SUCLG1: variants seen among roughly 807,000 people sequenced by gnomAD.
The protein encoded by SUCLG1 is succinate--CoA ligase [ADP/GDP-forming] subunit alpha, mitochondrial.
In SUCLG1, 26 loss-of-function variants were observed where a neutral mutation model predicts 37.3. The observed-to-expected ratio is 0.70, with a 90% CI of 0.51 to 0.97. SUCLG1 has a LOEUF of 0.97. SUCLG1 is among the 50% of genes least tolerant of loss of function. The pLI, the probability that SUCLG1 is intolerant of heterozygous loss-of-function variation, is 0.00. For missense variants in SUCLG1, 433 were observed against 432.9 expected (o/e 1.00, Z 0.00); for synonymous variants, 163 against 155.6 (o/e 1.05, Z -0.36).
intron 5 of SUCLG1, among the ~76,000 whole-genome samples, chr2:84,435,285 C>T (rs957894117): frequency 6.6e-6 from 1 of 152,324 alleles, no homozygotes; most frequent in African/African-American, 2.4e-5. Flanking sequence ...TTCCTGATCA[C>T]CCCCAAAGAG....
At chr2:84,445,218 TG>T (rs1256193523) in intron 2 of SUCLG1, among the ~76,000 whole-genome samples, 1 of 152,240 alleles carries the variant, frequency 6.6e-6, no homozygotes, top group African/African-American at 2.4e-5. Context: ...AGTATTAATT[TG>T]GGGAACTAAT....
At chr2:84,431,105 C>A (rs1279165889) in intron 7 of SUCLG1, among the ~76,000 whole-genome samples, 2 of 152,122 alleles carry the variant, frequency 1.3e-5, no homozygotes, top group Non-Finnish European at 2.9e-5. Flanking sequence ...AAAAAAAGCA[C>A]AAGGGATAGG....
chr2:84,456,118 C>G (rs1314134912), intron 1 of SUCLG1, among the ~76,000 whole-genome samples: 1 of 152,110 alleles, frequency 6.6e-6, no homozygotes, highest in Non-Finnish European at 1.5e-5. Context: ...TTCCAAACTA[C>G]ACTTTAAATG....
chr2:84,446,782 T>A (rs1246030194), intron 2 of SUCLG1, among the ~76,000 whole-genome samples: 2 of 152,184 alleles, frequency 1.3e-5, no homozygotes, highest in Non-Finnish European at 2.9e-5. Context: ...AGTAAAAATG[T>A]TTGTATGACA....
Position 84,441,046 on chromosome 2 carries a change from C to T in SUCLG1, c.589+1G>A, listed in dbSNP as rs201416100. 6.2e-7 allele frequency: 1 copy of T among 1,613,946 alleles called. No homozygotes were observed. Among genetic ancestry groups the T allele is most frequent in the South Asian group, 1.1e-5 (1 of 91,076 alleles). On this transcript the variant is annotated splice_donor_variant, in intron 5 of 8. Transcript: ENST00000393868. LOFTEE classifies it high-confidence loss of function. ...TATAAGAATGTAACAAACAAACTCACCAATCCTTCCTTTTTTGTGAATATG... is the reference window on the plus strand; with the variant it reads ...TATAAGAATGTAACAAACAAACTCATCAATCCTTCCTTTTTTGTGAATATG...
intron 1 of SUCLG1, among the ~76,000 whole-genome samples, chr2:84,453,391 T>C (rs368944545): frequency 6.6e-6 from 1 of 151,436 alleles, no homozygotes. Flanking sequence ...GATGCCTAGC[T>C]TTACTAATAA....
At chr2:84,448,745 G>A (rs1294461627) in intron 2 of SUCLG1, among the ~76,000 whole-genome samples, 1 of 151,636 alleles carries the variant, frequency 6.6e-6, no homozygotes, top group African/African-American at 2.4e-5. Context: ...TAAATACACA[G>A]ACCATATAAC....
intron 8 of SUCLG1, among the ~76,000 whole-genome samples, chr2:84,424,095 A>G (rs1238936153): frequency 1.3e-5 from 2 of 152,198 alleles, no homozygotes; most frequent in Non-Finnish European, 2.9e-5. Flanking sequence ...GGGAGCTGAG[A>G]AACTTCATTA....
In SUCLG1 at chr2:84,445,840, C is replaced by G. The variant is rs75257831; in HGVS notation, c.202-2440G>C. Among the ~76,000 whole-genome samples, 3 of 152,302 alleles carry G rather than the reference C, an allele frequency of 2.0e-5. 1 individual carries two copies. The East Asian group carries it at 5.8e-4, about 29-fold the overall frequency. On this transcript the variant is annotated intron_variant, in intron 2 of 8. Coordinates refer to ENST00000393868, the MANE Select transcript of SUCLG1 (RefSeq NM_003849.4). ...TCTGGTCAAAACATAATGAAGATCA[C>G]GGCACTCCTCTAATCAAACACTCTG... is the stretch of plus-strand genomic sequence containing the variant.
At chr2:84,433,209 A>G in intron 6 of SUCLG1, 143 bp downstream of exon 6, 1 of 784,164 alleles carries the variant, frequency 1.3e-6, no homozygotes, top group Non-Finnish European at 2.2e-6. Flanking sequence ...CTTTACACTT[A>G]AGCAAATTAA....
intron 1 of SUCLG1, among the ~76,000 whole-genome samples, chr2:84,457,574 T>C (rs941735431): frequency 6.6e-6 from 1 of 152,154 alleles, no homozygotes; most frequent in Admixed American, 6.5e-5. Flanking sequence ...TAGATTTTTC[T>C]AGACAGCAGA....
In SUCLG1 at chr2:84,441,038, C is replaced by A; in HGVS notation, c.589+9G>T. On this transcript the variant is annotated intron_variant, in intron 5 of 8. Coordinates refer to ENST00000393868, the MANE Select transcript of SUCLG1 (RefSeq NM_003849.4). ...TTTTAATCTATAAGAATGTAACAAA[C>A]AAACTCACCAATCCTTCCTTTTTTG... 2 of 1,613,764 alleles carry A rather than the reference C, an allele frequency of 1.2e-6. No individual in the cohort carries two copies. Among genetic ancestry groups the A allele is most frequent in the Non-Finnish European group, 1.7e-6 (2 of 1,179,836 alleles).
chr2:84,441,013 T>G (rs779252485), intron 5 of SUCLG1, 34 bp downstream of exon 5: 3 of 1,608,082 alleles, frequency 1.9e-6, no homozygotes, highest in Non-Finnish European at 2.6e-6. Flanking sequence ...GCAAATAACG[T>G]TTTAATCTAT....
rs907364236 is a variant in SUCLG1, at chr2:84,443,539, T to C, written c.202-139A>G. On this transcript the variant is annotated intron_variant, in intron 2 of 8. Coordinates refer to ENST00000393868, the MANE Select transcript of SUCLG1 (RefSeq NM_003849.4). ...GACAATAACATATATTTACTAAACA[T>C]AGCTTTGAATCTTGAAGCAAAACAA... 7.6e-6 allele frequency: 6 copies of C among 792,698 alleles called. No homozygotes were observed. In the East Asian group the frequency reaches 8.1e-5, roughly 11 times the overall value. 49.1% of individuals were successfully genotyped at this position (792,698 alleles called of 1,614,324 possible).
At chr2:84,451,597 C>T (rs113007834) in intron 1 of SUCLG1, among the ~76,000 whole-genome samples, 48 of 152,292 alleles carry the variant, frequency 3.2e-4, no homozygotes, top group African/African-American at 1.2e-3. Flanking sequence ...TCTCCTGGAT[C>T]AATTCTATGG....
rs3752782 is a variant in SUCLG1 at position 84,425,740 on chromosome 2, C to T, written c.826-137G>A. 0.026 allele frequency: 24,718 copies of T among 934,354 alleles called. 953 individuals carry two copies. Among genetic ancestry groups the T allele is most frequent in the African/African-American group, 0.14 (8,609 of 60,814 alleles). 57.9% of individuals were successfully genotyped at this position (934,354 alleles called of 1,614,324 possible). A position where few individuals can be genotyped will look rare whatever the true frequency, so the allele number is the denominator to read the frequency against. On this transcript the variant is annotated intron_variant, in intron 7 of 8. Coordinates refer to ENST00000393868, the MANE Select transcript of SUCLG1 (RefSeq NM_003849.4). Reference sequence around the variant, plus strand: ...ACCATTCATCTTAGGAAAACCAACACAAATATTAAACCATGATTGAAACCA... The same window carrying T: ...ACCATTCATCTTAGGAAAACCAACATAAATATTAAACCATGATTGAAACCA...
At chr2:84,448,188 A>C (rs1479941324) in intron 2 of SUCLG1, among the ~76,000 whole-genome samples, 1 of 143,906 alleles carries the variant, frequency 6.9e-6, no homozygotes, top group African/African-American at 2.7e-5. Flanking sequence ...AAAAAACAAA[A>C]AACAAAAAAC....
intron 5 of SUCLG1, among the ~76,000 whole-genome samples, chr2:84,438,669 CA>C (rs1324424432): frequency 1.3e-5 from 2 of 152,170 alleles, no homozygotes. Flanking sequence ...CTCACCCCCT[CA>C]AAAATCTTGT....
rs1008804554 is a variant in SUCLG1, at chr2:84,443,131, C to A, written c.318+153G>T. On this transcript the variant is annotated intron_variant, in intron 3 of 8. Transcript: ENST00000393868. ...CATACCTAGAAACAAAAATAACACACTGGTTTTGATGGCAATTCAAATTTC... is the reference window on the plus strand; with the variant it reads ...CATACCTAGAAACAAAAATAACACAATGGTTTTGATGGCAATTCAAATTTC... 1.8e-5 allele frequency: 14 copies of A among 764,536 alleles called. No homozygotes were observed. The African/African-American group carries it at 2.4e-4, about 13-fold the overall frequency. 47.4% of individuals were successfully genotyped at this position (764,536 alleles called of 1,614,324 possible). A position where few individuals can be genotyped will look rare whatever the true frequency, so the allele number is the denominator to read the frequency against.
Sources: allele counts gnomAD v4.1 joint callset (sites outside exome capture counted in the v4.1 genomes callset), GRCh38; gene constraint gnomAD v4.1.1; transcripts MANE v1.5; gene names NCBI Gene and HGNC (gene_info 2026-07-23, HGNC 2026-07-21).